SORCS2: variants seen among roughly 807,000 people sequenced by gnomAD.
SORCS2 encodes sortilin related VPS10 domain containing receptor 2, also known as VPS10 domain-containing receptor SorCS2.
A neutral mutation model predicts 141.6 loss-of-function variants in SORCS2; 100 were observed. The ratio of observed to expected loss-of-function variants is 0.71; its 90% confidence interval spans 0.60 to 0.83. SORCS2 has a LOEUF of 0.83. Among genes scored for constraint, SORCS2 ranks in the 40% least tolerant of loss-of-function variants. The pLI, the probability that SORCS2 is intolerant of heterozygous loss-of-function variation, is 0.00. For synonymous variants in SORCS2, 789 were observed against 676.9 expected (o/e 1.17, Z -2.57); for missense variants, 1,646 against 1,560.2 (o/e 1.05, Z -0.93).
chr4:7,637,680 G>T (rs1269808659), intron 3 of SORCS2, among the ~76,000 whole-genome samples: 2 of 150,634 alleles, frequency 1.3e-5, no homozygotes, highest in African/African-American at 4.9e-5. Context: ...GTGTGGGGGG[G>T]CCCAGCCCAG....
intron 1 of SORCS2, among the ~76,000 whole-genome samples, chr4:7,270,003 C>T (rs1182395402): frequency 6.6e-6 from 1 of 152,220 alleles, no homozygotes; most frequent in Non-Finnish European, 1.5e-5. Flanking sequence ...CCTCAGCCTC[C>T]CAAGTAGCTG....
chr4:7,683,418 CTG>C (rs1723684484), intron 10 of SORCS2, among the ~76,000 whole-genome samples: 1 of 22,644 alleles, frequency 4.4e-5, no homozygotes, highest in African/African-American at 2.3e-4. Context: ...CTGGGTGGCT[CTG>C]CTGATCTTGT....
intron 2 of SORCS2, among the ~76,000 whole-genome samples, chr4:7,489,580 T>A (rs1731195209): frequency 6.6e-6 from 1 of 152,310 alleles, no homozygotes; most frequent in South Asian, 2.1e-4. Context: ...ATCTGTATTT[T>A]AAATGGTCCC....
intron 5 of SORCS2, among the ~76,000 whole-genome samples, chr4:7,656,308 C>T (rs1400740503): frequency 2.6e-5 from 4 of 152,034 alleles, no homozygotes; most frequent in African/African-American, 9.7e-5. Context: ...CCGCCCCCCA[C>T]CCTGCCCTCA....
chr4:7,359,675 A>T (rs1299448993), intron 1 of SORCS2, among the ~76,000 whole-genome samples: 1 of 152,246 alleles, frequency 6.6e-6, no homozygotes, highest in Non-Finnish European at 1.5e-5. Flanking sequence ...TTAGAGCATC[A>T]TTCAGTGAGA....
At chr4:7,234,385 T>A (rs144436935) in intron 1 of SORCS2, among the ~76,000 whole-genome samples, 72 of 152,336 alleles carry the variant, frequency 4.7e-4, no homozygotes, top group African/African-American at 1.7e-3. Context: ...TATTGGTCTT[T>A]CATTACTTTT....
At chr4:7,401,222 G>C (rs1577503689) in intron 2 of SORCS2, among the ~76,000 whole-genome samples, 3 of 152,072 alleles carry the variant, frequency 2.0e-5, no homozygotes, top group African/African-American at 4.8e-5. Flanking sequence ...TGGGTGGGTG[G>C]ATGGATGGAT....
chr4:7,258,635 G>A (rs1300698904), intron 1 of SORCS2, among the ~76,000 whole-genome samples: 3 of 152,182 alleles, frequency 2.0e-5, no homozygotes, highest in African/African-American at 4.8e-5. Context: ...ATAGTAGAAT[G>A]ATTTATAATC....
At chr4:7,640,347 TGA>T (rs1365956442) in intron 4 of SORCS2, among the ~76,000 whole-genome samples, 2 of 148,666 alleles carry the variant, frequency 1.3e-5, no homozygotes, top group Non-Finnish European at 3.0e-5. Flanking sequence ...TGTGAGAGTG[TGA>T]GAGCCTATGT....
intron 1 of SORCS2, among the ~76,000 whole-genome samples, chr4:7,308,111 G>A (rs1717952946): frequency 1.3e-5 from 2 of 152,152 alleles, no homozygotes; most frequent in Admixed American, 1.3e-4. Context: ...CCTGTTCCAA[G>A]TCAGAGGTGT....
intron 2 of SORCS2, among the ~76,000 whole-genome samples, chr4:7,451,230 GAGTA>G (rs1456410072): frequency 1.3e-5 from 2 of 152,152 alleles, no homozygotes; most frequent in Admixed American, 1.3e-4. Context: ...ATGAATAAAT[GAGTA>G]AGTGAATGAA....
intron 1 of SORCS2, among the ~76,000 whole-genome samples, chr4:7,365,972 C>T (rs1190265000): frequency 6.6e-6 from 1 of 152,202 alleles, no homozygotes; most frequent in African/African-American, 2.4e-5. Flanking sequence ...GGAAGACAGT[C>T]AGTATGGGGA....
intron 3 of SORCS2, among the ~76,000 whole-genome samples, chr4:7,602,966 G>C (rs1321989552): frequency 1.3e-5 from 2 of 152,210 alleles, no homozygotes; most frequent in East Asian, 1.9e-4. Flanking sequence ...AGACCAGCCC[G>C]ACCAACATGG....
intron 3 of SORCS2, among the ~76,000 whole-genome samples, chr4:7,601,747 A>G (rs1265166797): frequency 6.6e-6 from 1 of 151,532 alleles, no homozygotes; most frequent in Admixed American, 6.6e-5. Flanking sequence ...ATAGGACAAT[A>G]GTGGAGGGAA....
intron 1 of SORCS2, among the ~76,000 whole-genome samples, chr4:7,299,716 G>A (rs1253285448): frequency 1.3e-5 from 2 of 152,188 alleles, no homozygotes; most frequent in African/African-American, 4.8e-5. Flanking sequence ...GTCCAGGCCT[G>A]TGTCTTCCTC....
chr4:7,309,305 T>C (rs1002105089), intron 1 of SORCS2, among the ~76,000 whole-genome samples: 5 of 152,208 alleles, frequency 3.3e-5, no homozygotes, highest in Non-Finnish European at 5.9e-5. Flanking sequence ...TGACTTCTGG[T>C]CTCGTTTCCT....
chr4:7,561,993 A>G (rs1481395833), intron 3 of SORCS2, among the ~76,000 whole-genome samples: 2 of 152,208 alleles, frequency 1.3e-5, no homozygotes, highest in South Asian at 2.1e-4. Flanking sequence ...CCGTCCCACA[A>G]ATATTTCTAG....
At chr4:7,636,116 C>G (rs982956876) in intron 3 of SORCS2, among the ~76,000 whole-genome samples, 1 of 152,262 alleles carries the variant, frequency 6.6e-6, no homozygotes, top group Non-Finnish European at 1.5e-5. Flanking sequence ...AGGGCTGGTC[C>G]TATCCAGCCC....
At chr4:7,724,592 T>A (rs1264570374) in intron 19 of SORCS2, among the ~76,000 whole-genome samples, 1 of 91,734 alleles carries the variant, frequency 1.1e-5, no homozygotes, top group South Asian at 4.0e-4. Flanking sequence ...GTGGTGGTGT[T>A]GGTGATGGTG....
Sources: gnomAD v4.1 joint callset for allele counts (sites outside exome capture counted in the v4.1 genomes callset) on GRCh38, gnomAD v4.1.1 for gene constraint, MANE v1.5 for transcripts, NCBI Gene and HGNC (gene_info 2026-07-23, HGNC 2026-07-21) for gene names.